TNS1: variants seen among roughly 807,000 people sequenced by gnomAD.
The protein encoded by TNS1 is tensin-1.
Under a neutral mutation model 168.6 loss-of-function variants are expected in TNS1, and 62 were observed. The ratio of observed to expected loss-of-function variants is 0.37; its 90% CI spans 0.30 to 0.45. TNS1 has a LOEUF of 0.45. Among genes scored for constraint, TNS1 ranks in the 20% least tolerant of loss-of-function variants. The pLI is 1.00. For missense variants in TNS1, 2,240 were observed against 2,339.4 expected (o/e 0.96, Z 0.88); for synonymous variants, 934 against 933.2 (o/e 1.00, Z -0.02).
At chr2:217,807,866 C>A (rs549723252) in intron 32 of TNS1, among the ~76,000 whole-genome samples, 1 of 152,340 alleles carries the variant, frequency 6.6e-6, no homozygotes, top group South Asian at 2.1e-4. Context: ...GCAGCTGGAC[C>A]AGACGCTGGG....
intron 3 of TNS1, among the ~76,000 whole-genome samples, chr2:217,939,113 T>C (rs1956782913): frequency 6.6e-6 from 1 of 152,192 alleles, no homozygotes; most frequent in Non-Finnish European, 1.5e-5. Flanking sequence ...CCGCCCAAAG[T>C]GTTTTAAATA....
At chr2:217,904,663 G>C (rs1181824495) in intron 6 of TNS1, among the ~76,000 whole-genome samples, 1 of 152,130 alleles carries the variant, frequency 6.6e-6, no homozygotes, top group African/African-American at 2.4e-5. Context: ...AAAAGCCAAA[G>C]AGCCTCAGTC....
chr2:217,834,475 A>ACAC, intron 21 of TNS1, among the ~76,000 whole-genome samples: 1 of 152,324 alleles, frequency 6.6e-6, no homozygotes, highest in Middle Eastern at 3.4e-3. Context: ...ATAAAAAGGA[A>ACAC]CACTGCCCCA....
In TNS1 at chr2:217,809,987, G is replaced by T; in HGVS notation, c.5109C>A (p.Cys1703Ter). The part of the protein sequence containing the change: ...TADLLKQGAA[C>*]NVLFVNSVDM... ...CCACAGAGTTGACGAAGAGCACATT[G>T]CAGGCTGGAAGAAACCAACCCAAGG... The change falls in exon 30 of 33, where the codon TGC (cysteine) becomes TGA (stop). Residue 1703 changes from cysteine to a stop codon, truncating the protein, a stop_gained. Coordinates refer to ENST00000682258, the MANE Select transcript of TNS1 (RefSeq NM_001387777.1). LOFTEE classifies it high-confidence loss of function. 1 of 1,610,706 alleles carries T rather than the reference G, an allele frequency of 6.2e-7. No individual in the cohort carries two copies.
intron 22 of TNS1, chr2:217,830,018 T>C: frequency 1.4e-6 from 2 of 1,480,728 alleles, no homozygotes; most frequent in Non-Finnish European, 1.8e-6. Flanking sequence ...AGAGAATCTG[T>C]GGAGAAAACG....
At chr2:217,884,749 G>A (rs1951031119) in intron 16 of TNS1, among the ~76,000 whole-genome samples, 1 of 152,156 alleles carries the variant, frequency 6.6e-6, no homozygotes, top group African/African-American at 2.4e-5. Flanking sequence ...AAACTGGGAG[G>A]ACAAGATGAA....
intron 3 of TNS1, among the ~76,000 whole-genome samples, chr2:217,961,015 T>C (rs945344244): frequency 6.6e-6 from 1 of 151,980 alleles, no homozygotes; most frequent in African/African-American, 2.4e-5. Flanking sequence ...TTGGGATGTA[T>C]GTAGGGTTTT....
chr2:217,996,130 C>T (rs1046206186), intron 1 of TNS1, among the ~76,000 whole-genome samples: 10 of 152,164 alleles, frequency 6.6e-5, no homozygotes, highest in African/African-American at 1.7e-4. Flanking sequence ...TGATAGACCC[C>T]GGGGTCCCCA....
intron 18 of TNS1, among the ~76,000 whole-genome samples, chr2:217,876,200 A>C (rs1290885423): frequency 6.6e-6 from 1 of 152,180 alleles, no homozygotes; most frequent in East Asian, 1.9e-4. Context: ...TCAGAGGCAG[A>C]GGGCAGTCCA....
At chr2:217,922,974 C>T (rs1440891780) in intron 3 of TNS1, among the ~76,000 whole-genome samples, 1 of 152,198 alleles carries the variant, frequency 6.6e-6, no homozygotes, top group Non-Finnish European at 1.5e-5. Context: ...CCTTAAAAGG[C>T]TCTCGCCTTC....
intron 32 of TNS1, among the ~76,000 whole-genome samples, chr2:217,807,515 A>G (rs1371189984): frequency 6.6e-6 from 1 of 152,212 alleles, no homozygotes; most frequent in African/African-American, 2.4e-5. Flanking sequence ...CTGCTGTGCC[A>G]ATGGGCCTCC....
At chr2:217,906,595 G>A (rs1953735343) in intron 5 of TNS1, among the ~76,000 whole-genome samples, 1 of 152,130 alleles carries the variant, frequency 6.6e-6, no homozygotes, top group East Asian at 1.9e-4. Flanking sequence ...CACTCCTGTG[G>A]GAGATACTAT....
Position 217,887,816 on chromosome 2 carries a change from C to T in TNS1, c.867-1170G>A, listed in dbSNP as rs148610997. 2.4e-3 allele frequency among the ~76,000 whole-genome samples: 370 copies of T among 152,330 alleles called. 2 individuals carry two copies. Among genetic ancestry groups the T allele is most frequent in the African/African-American group, 8.6e-3 (359 of 41,576 alleles). ...CGCATCTGCCCAATAAACTAGAGAT[C>T]GGTCATCTGCCCAATAGAGATCAGT... On this transcript the variant is annotated intron_variant, in intron 12 of 32. Coordinates refer to ENST00000682258, the MANE Select transcript of TNS1 (RefSeq NM_001387777.1).
At chr2:217,867,774 G>T (rs75564215) in intron 18 of TNS1, among the ~76,000 whole-genome samples, 4 of 152,332 alleles carry the variant, frequency 2.6e-5, no homozygotes, top group Non-Finnish European at 5.9e-5. Context: ...CTCTTCTCCA[G>T]ATATTTGTCT....
intron 22 of TNS1, among the ~76,000 whole-genome samples, chr2:217,830,702 G>T (rs1944292695): frequency 1.3e-5 from 2 of 152,260 alleles, no homozygotes; most frequent in South Asian, 2.1e-4. Context: ...CTTCCTCAGA[G>T]CTTGGGCTGC....
chr2:218,002,935 C>G lies in TNS1; in HGVS notation c.-63G>C, dbSNP rs1438064689. The G allele has an allele frequency of 1.1e-5, 5 of 456,312 alleles. No individual in the cohort carries two copies. In the East Asian group the frequency reaches 3.5e-4, roughly 32 times the overall value. The allele number at this position is 456,312 out of a possible 1,614,324, so 28.3% of individuals were successfully genotyped here. On this transcript the variant is annotated 5_prime_UTR_variant, in exon 1 of 33. Coordinates refer to ENST00000682258, the MANE Select transcript of TNS1 (RefSeq NM_001387777.1). ...TGTGAAGAGCCCCTGAAGCTAGAGT[C>G]CCCGCGGCGCTGGCAGAAGGGCTCT...
intron 2 of TNS1, among the ~76,000 whole-genome samples, chr2:217,989,164 G>C (rs893210573): frequency 6.6e-6 from 1 of 152,208 alleles, no homozygotes; most frequent in Admixed American, 6.5e-5. Context: ...AGGAACATGC[G>C]GCAGAGAGCT....
upstream of TNS1, among the ~76,000 whole-genome samples, chr2:218,003,770 C>T (rs1380547152): frequency 1.3e-5 from 2 of 151,490 alleles, no homozygotes; most frequent in Non-Finnish European, 2.9e-5. Flanking sequence ...TTTGCATTTC[C>T]CCACTTCCTC....
rs1937846902 is a variant in TNS1 at position 217,803,704 on chromosome 2, C to T, written c.*755G>A. Reference sequence around the variant, plus strand: ...AGGCACCAGGAGAGAGCCTCTGTCACCCATAGCTTGGTTGTTTGTCCCTCC... The same window carrying T: ...AGGCACCAGGAGAGAGCCTCTGTCATCCATAGCTTGGTTGTTTGTCCCTCC... On this transcript the variant is annotated 3_prime_UTR_variant, in exon 33 of 33. Coordinates refer to ENST00000682258, the MANE Select transcript of TNS1 (RefSeq NM_001387777.1). 1 of 152,730 alleles carries T rather than the reference C, an allele frequency of 6.5e-6. No individual in the cohort carries two copies. Among genetic ancestry groups the T allele is most frequent in the Non-Finnish European group, 1.5e-5 (1 of 68,128 alleles). 9.5% of individuals were successfully genotyped at this position (152,730 alleles called of 1,614,324 possible). A position where few individuals can be genotyped will look rare whatever the true frequency, so the allele number is the denominator to read the frequency against.
Sources: gnomAD v4.1 joint callset for allele counts (sites outside exome capture counted in the v4.1 genomes callset) on GRCh38, gnomAD v4.1.1 for gene constraint, MANE v1.5 for transcripts, NCBI Gene and HGNC (gene_info 2026-07-23, HGNC 2026-07-21) for gene names.